CCSER1: variants seen among roughly 807,000 people sequenced by gnomAD.
CCSER1 encodes coiled-coil serine rich protein 1.
Under a neutral mutation model 82.0 loss-of-function variants are expected in CCSER1, and 41 were observed. The ratio of observed to expected loss-of-function variants is 0.50; its 90% CI spans 0.39 to 0.65. The LOEUF (loss-of-function observed/expected upper bound fraction) is 0.65. CCSER1 is among the 30% of genes least tolerant of loss of function. CCSER1 has a pLI of 0.00. For missense variants in CCSER1, 1,119 were observed against 1,064.2 expected (o/e 1.05, Z -0.72); for synonymous variants, 414 against 383.9 (o/e 1.08, Z -0.92).
intron 10 of CCSER1, among the ~76,000 whole-genome samples, chr4:91,303,226 C>T (rs893270420): frequency 2.0e-5 from 3 of 151,912 alleles, no homozygotes; most frequent in Admixed American, 2.0e-4. Flanking sequence ...TACCTGAAAG[C>T]AGTCTTATGA....
chr4:90,240,356 A>C (rs181889528), intron 1 of CCSER1, among the ~76,000 whole-genome samples: 2 of 152,298 alleles, frequency 1.3e-5, no homozygotes, highest in East Asian at 3.9e-4. Context: ...TTTCTGGAGA[A>C]GGCCTTGGGA....
chr4:90,554,629 A>G (rs565092550), intron 5 of CCSER1, among the ~76,000 whole-genome samples: 5 of 152,304 alleles, frequency 3.3e-5, no homozygotes, highest in South Asian at 2.1e-4. Flanking sequence ...GCTAAATGCA[A>G]TCCCCCAAGG....
intron 6 of CCSER1, among the ~76,000 whole-genome samples, chr4:90,689,717 A>G (rs1735469382): frequency 2.0e-5 from 3 of 152,102 alleles, no homozygotes; most frequent in Admixed American, 6.6e-5. Context: ...AGTGGAGAAA[A>G]CAGGAAATGA....
At chr4:90,128,119 C>T (rs1405974255) in intron 1 of CCSER1, among the ~76,000 whole-genome samples, 2 of 152,136 alleles carry the variant, frequency 1.3e-5, no homozygotes, top group African/African-American at 4.8e-5. Flanking sequence ...TGCCTGCGGC[C>T]GCGGCGGCCG....
At chr4:91,558,702 A>T (rs958553774) in intron 10 of CCSER1, among the ~76,000 whole-genome samples, 8 of 151,592 alleles carry the variant, frequency 5.3e-5, no homozygotes, top group Admixed American at 1.3e-4. Context: ...GCAAAGTTGG[A>T]AACCCCTGAA....
chr4:91,128,768 G>C (rs904397880), intron 10 of CCSER1, among the ~76,000 whole-genome samples: 2 of 152,038 alleles, frequency 1.3e-5, no homozygotes, highest in African/African-American at 2.4e-5. Context: ...TAAGGGGAAA[G>C]TGGTCACGTG....
intron 10 of CCSER1, among the ~76,000 whole-genome samples, chr4:91,290,881 T>C (rs1362243107): frequency 5.3e-5 from 8 of 151,926 alleles, no homozygotes; most frequent in Admixed American, 5.3e-4. Flanking sequence ...TAAGACATGT[T>C]GTGGGCTAAT....
chr4:90,290,210 T>C (rs1730649765), intron 1 of CCSER1, among the ~76,000 whole-genome samples: 1 of 151,908 alleles, frequency 6.6e-6, no homozygotes, highest in African/African-American at 2.4e-5. Flanking sequence ...CCATATATTA[T>C]ACAGGACCAA....
chr4:90,361,974 A>T (rs987496425), intron 3 of CCSER1, among the ~76,000 whole-genome samples: 1 of 152,170 alleles, frequency 6.6e-6, no homozygotes, highest in Non-Finnish European at 1.5e-5. Flanking sequence ...ACTCTCCACT[A>T]TAATAATGTG....
chr4:91,233,145 G>A (rs1385074005), intron 10 of CCSER1, among the ~76,000 whole-genome samples: 1 of 151,644 alleles, frequency 6.6e-6, no homozygotes, highest in Non-Finnish European at 1.5e-5. Context: ...AGGGAGGAAG[G>A]GAAAGGGGCA....
intron 8 of CCSER1, among the ~76,000 whole-genome samples, chr4:90,846,935 C>T (rs1763297263): frequency 6.6e-6 from 1 of 152,212 alleles, no homozygotes; most frequent in East Asian, 1.9e-4. Flanking sequence ...GTGTGAGCCA[C>T]TGCACCCAGC....
chr4:91,567,255 G>A (rs1762934441), intron 10 of CCSER1, among the ~76,000 whole-genome samples: 1 of 151,966 alleles, frequency 6.6e-6, no homozygotes, highest in Non-Finnish European at 1.5e-5. Context: ...TATGTTTGGT[G>A]TGATTACATT....
chr4:90,201,556 A>G (rs1737711175), intron 1 of CCSER1, among the ~76,000 whole-genome samples: 1 of 149,508 alleles, frequency 6.7e-6, no homozygotes. Flanking sequence ...TTATAATTTA[A>G]CATAATATAA....
chr4:91,171,754 C>T (rs1390170904), intron 10 of CCSER1, among the ~76,000 whole-genome samples: 1 of 151,840 alleles, frequency 6.6e-6, no homozygotes, highest in Non-Finnish European at 1.5e-5. Context: ...ATGTGATATT[C>T]ACCTGACAAT....
intron 10 of CCSER1, among the ~76,000 whole-genome samples, chr4:91,459,962 G>T (rs1470040742): frequency 6.6e-6 from 1 of 152,096 alleles, no homozygotes; most frequent in Non-Finnish European, 1.5e-5. Context: ...CTAAGAGATA[G>T]AAATATCATA....
At chr4:91,041,031 GTTGTA>G (rs746183191) in intron 9 of CCSER1, among the ~76,000 whole-genome samples, 5 of 152,046 alleles carry the variant, frequency 3.3e-5, no homozygotes, top group Non-Finnish European at 7.4e-5. Context: ...GAAATAAAAA[GTTGTA>G]TTATATTAAC....
intron 6 of CCSER1, among the ~76,000 whole-genome samples, chr4:90,653,517 TAG>T (rs1260751025): frequency 4.6e-5 from 7 of 152,186 alleles, no homozygotes; most frequent in South Asian, 2.1e-4. Context: ...GACACCATGA[TAG>T]AGTCAGTATT....
chr4:90,251,653 T>C, intron 1 of CCSER1, among the ~76,000 whole-genome samples: 1 of 151,868 alleles, frequency 6.6e-6, no homozygotes, highest in East Asian at 1.9e-4. Context: ...ATATATAAAA[T>C]AATAAAAGAC....
chr4:90,304,406 C>G (rs1733811485), intron 1 of CCSER1, among the ~76,000 whole-genome samples: 1 of 152,140 alleles, frequency 6.6e-6, no homozygotes, highest in Non-Finnish European at 1.5e-5. Flanking sequence ...CCCAAATGTC[C>G]ATCAATGATA....
Sources: gnomAD v4.1 joint callset for allele counts (sites outside exome capture counted in the v4.1 genomes callset) on GRCh38, gnomAD v4.1.1 for gene constraint, MANE v1.5 for transcripts, NCBI Gene and HGNC (gene_info 2026-07-23, HGNC 2026-07-21) for gene names.